Variants in TRIM9 observed in about 807,000 individuals in gnomAD.
TRIM9 encodes the protein tripartite motif containing 9.
A neutral mutation model predicts 78.3 loss-of-function variants in TRIM9; 26 were observed. The ratio of observed to expected loss-of-function variants is 0.33; its 90% confidence interval spans 0.24 to 0.46. The LOEUF is 0.46. Among genes scored for constraint, TRIM9 ranks in the 20% least tolerant of loss-of-function variants. TRIM9 has a pLI of 1.00. For synonymous variants in TRIM9, 398 were observed against 416.5 expected, an observed-to-expected ratio of 0.96 and a Z score of 0.54; for missense variants, 787 against 1,036.4, an observed-to-expected ratio of 0.76 and a Z score of 3.30.
At chr14:51,091,058 G>A (rs928053196) in intron 1 of TRIM9, 7 of 152,052 alleles carry the variant, frequency 4.6e-5, no homozygotes, top group South Asian at 2.1e-4. Context: ...TAACAAGTAC[G>A]TTGAATAAAG....
intron 1 of TRIM9, among the ~76,000 whole-genome samples, chr14:51,066,087 A>AGGAAGGAAGGAG (rs1555346990): frequency 4.1e-5 from 3 of 72,436 alleles, no homozygotes; most frequent in African/African-American, 1.7e-4. Context: ...GAAGGAAGGA[A>AGGAAGGAAGGAG]GGAGGGAGGG....
chr14:51,023,024 G>C (rs1171099891), intron 2 of TRIM9, 67 bp from the exon 3 acceptor site: 1 of 1,601,870 alleles, frequency 6.2e-7, no homozygotes, highest in East Asian at 2.2e-5. Context: ...AGAAAACAGA[G>C]CTCCCCCATC....
intron 1 of TRIM9, among the ~76,000 whole-genome samples, chr14:51,075,594 C>T (rs908240505): frequency 1.3e-5 from 2 of 152,186 alleles, no homozygotes; most frequent in Non-Finnish European, 2.9e-5. Flanking sequence ...TGTTGCTTGT[C>T]CACCATTTTT....
chr14:50,996,257 A>G, intron 7 of TRIM9: 1 of 985,422 alleles, frequency 1.0e-6, no homozygotes, highest in South Asian at 4.7e-5. Flanking sequence ...TTGGAAGAGA[A>G]CTTGTTCCGT....
intron 10 of TRIM9, 140 bp from the exon 11 acceptor site, chr14:50,982,243 G>A: frequency 1.1e-6 from 1 of 918,940 alleles, no homozygotes; most frequent in Admixed American, 2.4e-5. Context: ...GGCCAGGGCA[G>A]ACAGGGGCAC....
intron 5 of TRIM9, among the ~76,000 whole-genome samples, chr14:51,006,118 A>C (rs1396634818): frequency 6.6e-6 from 1 of 152,262 alleles, no homozygotes; most frequent in African/African-American, 2.4e-5. Context: ...CAGATATTTT[A>C]GTTATGATTT....
At chr14:51,010,516 C>A in intron 3 of TRIM9, 22 bp from the exon 4 acceptor site, 1 of 1,573,166 alleles carries the variant, frequency 6.4e-7, no homozygotes, top group Non-Finnish European at 8.7e-7. Context: ...AAAAAAACAA[C>A]AGAACAGTCC....
intron 7 of TRIM9, chr14:50,996,673 A>G (rs2054247083): frequency 2.0e-6 from 2 of 985,452 alleles, no homozygotes; most frequent in Non-Finnish European, 2.4e-6. Context: ...GGAGGGCTTT[A>G]GCAGTTAGTA....
At chr14:51,012,937 A>G (rs2139661988) in intron 3 of TRIM9, among the ~76,000 whole-genome samples, 2 of 152,250 alleles carry the variant, frequency 1.3e-5, no homozygotes, top group Admixed American at 1.3e-4. Flanking sequence ...TATATTCTGG[A>G]TATCAGTCTC....
intron 1 of TRIM9, among the ~76,000 whole-genome samples, chr14:51,082,369 T>C (rs983982479): frequency 2.0e-5 from 3 of 152,200 alleles, no homozygotes; most frequent in Non-Finnish European, 2.9e-5. Flanking sequence ...CATCAACTGA[T>C]AAATGGATAA....
At chr14:51,012,474 T>G (rs927444666) in intron 3 of TRIM9, among the ~76,000 whole-genome samples, 4 of 152,238 alleles carry the variant, frequency 2.6e-5, no homozygotes, top group African/African-American at 9.6e-5. Context: ...CATTCACCCA[T>G]TGATGAATAC....
At position 51,095,005 on chromosome 14, in the gene TRIM9, G is replaced by T. The variant is rs371604441; in HGVS notation, c.-66C>A. On this transcript the variant is annotated 5_prime_UTR_variant, in exon 1 of 13. Transcript: ENST00000684578. ...TGCCTGAGCTGGCGAGGTGGCCGAC[G>T]GGCCCGTCTTGTCCAGCACCCTGGC... 2 of 1,264,350 alleles carry T rather than the reference G, an allele frequency of 1.6e-6. No individual in the cohort carries two copies. The highest frequency in any genetic ancestry group is 5.4e-5 in the East Asian group (2 of 37,160). 78.3% of individuals were successfully genotyped at this position (1,264,350 alleles called of 1,614,324 possible).
intron 5 of TRIM9, among the ~76,000 whole-genome samples, chr14:51,001,354 G>A (rs573347175): frequency 1.4e-4 from 21 of 150,842 alleles, no homozygotes; most frequent in Non-Finnish European, 2.8e-4. Context: ...CTCAGCCTCC[G>A]GAGTAGCTGG....
chr14:51,013,074 G>A (rs1441209479), intron 3 of TRIM9, among the ~76,000 whole-genome samples: 1 of 152,100 alleles, frequency 6.6e-6, no homozygotes, highest in Admixed American at 6.5e-5. Flanking sequence ...TGCTTTTGGT[G>A]TCATATCTGA....
intron 1 of TRIM9, among the ~76,000 whole-genome samples, chr14:51,063,271 G>A (rs2061489132): frequency 6.6e-6 from 1 of 151,994 alleles, no homozygotes; most frequent in Non-Finnish European, 1.5e-5. Flanking sequence ...AAATTCGGAA[G>A]GCATCAATAA....
intron 1 of TRIM9, among the ~76,000 whole-genome samples, chr14:51,088,210 A>G (rs2063947135): frequency 6.6e-6 from 1 of 152,262 alleles, no homozygotes. Flanking sequence ...AATAACAATT[A>G]CTTACTAACT....
chr14:51,001,160 A>G (rs2054942457), intron 5 of TRIM9, among the ~76,000 whole-genome samples: 1 of 152,010 alleles, frequency 6.6e-6, no homozygotes, highest in Non-Finnish European at 1.5e-5. Context: ...TTTTACATGG[A>G]GGCTGGGGTT....
At chr14:51,066,334 C>T (rs549391849) in intron 1 of TRIM9, among the ~76,000 whole-genome samples, 2 of 152,262 alleles carry the variant, frequency 1.3e-5, no homozygotes, top group East Asian at 3.9e-4. Flanking sequence ...CATTCATCTC[C>T]ATCTTTGCAA....
At chr14:51,048,191 T>G (rs2060102594) in intron 1 of TRIM9, among the ~76,000 whole-genome samples, 1 of 152,204 alleles carries the variant, frequency 6.6e-6, no homozygotes, top group Admixed American at 6.5e-5. Flanking sequence ...TTAAACAGTT[T>G]CCTAAAAGCT....
Sources: allele counts gnomAD v4.1 joint callset (sites outside exome capture counted in the v4.1 genomes callset), GRCh38; gene constraint gnomAD v4.1.1; transcripts MANE v1.5; gene names NCBI Gene and HGNC (gene_info 2026-07-23, HGNC 2026-07-21).